UBE3B: variants seen among roughly 807,000 people sequenced by gnomAD.
UBE3B encodes ubiquitin protein ligase E3B, also known as ubiquitin-protein ligase E3B.
UBE3B carries 80 observed loss-of-function variants against 132.3 expected under a neutral mutation model. The ratio of observed to expected loss-of-function variants is 0.60; its 90% CI spans 0.50 to 0.73. The LOEUF is 0.73. UBE3B is among the 30% of genes least tolerant of loss of function. The pLI, the probability that UBE3B is intolerant of heterozygous loss-of-function variation, is 0.00. For missense variants in UBE3B, 1,196 were observed against 1,362.5 expected, an observed-to-expected ratio of 0.88 and a Z score of 1.92; for synonymous variants, 487 against 520.4, an observed-to-expected ratio of 0.94 and a Z score of 0.87.
Position 109,511,189 on chromosome 12 carries a change from GTCTT to G in UBE3B, c.1857-10_1857-7del. On this transcript the variant is annotated splice_polypyrimidine_tract_variant and intron_variant, in intron 17 of 27. Coordinates refer to ENST00000342494, the MANE Select transcript of UBE3B (RefSeq NM_130466.4). ...CTTCTTTTAATTCTCCCAAACCCAT[GTCTT>G]TCTTCTCAAGGGATCTCAAACCTAG... The G allele has an allele frequency of 6.2e-7, 1 of 1,613,100 alleles. No homozygotes were observed. The highest frequency in any genetic ancestry group is 8.5e-7 in the Non-Finnish European group (1 of 1,179,258).
At chr12:109,520,962 G>A (rs989618375) in intron 19 of UBE3B, 186 bp from the exon 20 acceptor site, 1 of 606,616 alleles carries the variant, frequency 1.6e-6, no homozygotes, top group African/African-American at 1.8e-5. Context: ...ATCCCCAAAT[G>A]AATCTTTGCT....
At chr12:109,491,330 T>C in intron 9 of UBE3B, 1 of 429,056 alleles carries the variant, frequency 2.3e-6, no homozygotes, top group Admixed American at 4.0e-5. Flanking sequence ...TTTCTTAATC[T>C]TCAGCCCTGA....
At chr12:109,497,975 C>T (rs766247245) in intron 10 of UBE3B, 52 bp downstream of exon 10, 22 of 1,578,482 alleles carry the variant, frequency 1.4e-5, no homozygotes, top group Non-Finnish European at 1.9e-5. Flanking sequence ...TTTTTCTTTT[C>T]TTCTTAAACA....
At chr12:109,488,735 T>C in intron 7 of UBE3B, 67 bp downstream of exon 7, 1 of 1,503,860 alleles carries the variant, frequency 6.6e-7, no homozygotes, top group East Asian at 2.3e-5. Flanking sequence ...GGACCTTTTT[T>C]CCTTTGTAAG....
chr12:109,490,433 A>G (rs1445728647), intron 8 of UBE3B: 1 of 1,533,690 alleles, frequency 6.5e-7, no homozygotes, highest in Non-Finnish European at 8.7e-7. Context: ...GTTTAAAGGT[A>G]CAATGGAAGT....
At chr12:109,501,800 G>A (rs1210252989) in intron 13 of UBE3B, among the ~76,000 whole-genome samples, 1 of 151,894 alleles carries the variant, frequency 6.6e-6, no homozygotes, top group Non-Finnish European at 1.5e-5. Context: ...GACTACAGGC[G>A]TGTACTGCCA....
chr12:109,500,248 A>G (rs1048258228), intron 12 of UBE3B, among the ~76,000 whole-genome samples: 1 of 152,240 alleles, frequency 6.6e-6, no homozygotes, highest in East Asian at 1.9e-4. Flanking sequence ...TAAATTTTTA[A>G]AAGTGTAATT....
intron 9 of UBE3B, among the ~76,000 whole-genome samples, chr12:109,495,656 G>A (rs1367119386): frequency 6.6e-6 from 1 of 152,230 alleles, no homozygotes; most frequent in African/African-American, 2.4e-5. Flanking sequence ...CCAGTGATAA[G>A]CATTGTTTCT....
intron 4 of UBE3B, among the ~76,000 whole-genome samples, chr12:109,484,320 A>G (rs112760787): frequency 1.1e-3 from 169 of 152,382 alleles, no homozygotes; most frequent in Non-Finnish European, 2.2e-3. Context: ...TAAGGACATC[A>G]AAAGGAGTAG....
At chr12:109,482,280 G>A (rs981137710) in intron 2 of UBE3B, among the ~76,000 whole-genome samples, 2 of 152,018 alleles carry the variant, frequency 1.3e-5, no homozygotes. Context: ...CCCATCACCC[G>A]AATGGTGAAC....
intron 17 of UBE3B, 114 bp from the exon 18 acceptor site, chr12:109,511,090 C>A: frequency 1.1e-6 from 1 of 885,302 alleles, no homozygotes; most frequent in Admixed American, 2.2e-5. Flanking sequence ...CCATCAGACT[C>A]TTGAGAAACA....
intron 18 of UBE3B, among the ~76,000 whole-genome samples, chr12:109,511,823 A>G (rs548960750): frequency 6.6e-5 from 10 of 152,310 alleles, no homozygotes; most frequent in Non-Finnish European, 1.5e-4. Flanking sequence ...CAGGAAGGTC[A>G]TCTTGGCTGC....
chr12:109,486,375 A>G, intron 5 of UBE3B, 96 bp from the exon 6 acceptor site: 1 of 999,966 alleles, frequency 1.0e-6, no homozygotes, highest in East Asian at 2.4e-5. Context: ...TTTATCTGGC[A>G]CTGGACCTAA....
At chr12:109,524,582 C>G in intron 23 of UBE3B, 79 bp downstream of exon 23, 1 of 1,491,556 alleles carries the variant, frequency 6.7e-7, no homozygotes, top group Non-Finnish European at 9.3e-7. Flanking sequence ...TTGTTTTCCT[C>G]AGAAAGAGCC....
chr12:109,494,324 T>A (rs1877888780), intron 9 of UBE3B, among the ~76,000 whole-genome samples: 1 of 152,192 alleles, frequency 6.6e-6, no homozygotes, highest in Non-Finnish European at 1.5e-5. Flanking sequence ...ATATATATAT[T>A]TTTTAGTAAA....
chr12:109,490,919 G>GC (rs1400114412), intron 8 of UBE3B, 126 bp from the exon 9 acceptor site: 1 of 1,154,280 alleles, frequency 8.7e-7, no homozygotes, highest in Non-Finnish European at 1.2e-6. Context: ...GTAGGTACAA[G>GC]CCACCATGCC....
rs563897934 is a variant in UBE3B, at chr12:109,502,883, A to G, written c.1283-140A>G. 1.5e-5 allele frequency: 15 copies of G among 998,078 alleles called. No homozygotes were observed. The South Asian group carries it at 1.8e-4, about 12-fold the overall frequency. The allele number at this position is 998,078 out of a possible 1,614,324, so 61.8% of individuals were successfully genotyped here. On this transcript the variant is annotated intron_variant, in intron 13 of 27. Coordinates refer to ENST00000342494, the MANE Select transcript of UBE3B (RefSeq NM_130466.4). Reference sequence around the variant, plus strand: ...TGTTTTTCTAATTTATCCCAAAGAAATGCCTTGAATTGAGTGAGTTGCCCC... The same window carrying G: ...TGTTTTTCTAATTTATCCCAAAGAAGTGCCTTGAATTGAGTGAGTTGCCCC...
rs373337503 is a variant in UBE3B, at chr12:109,498,339, C to T, written c.926C>T (p.Thr309Met). 42 of 1,613,794 alleles carry T rather than the reference C, an allele frequency of 2.6e-5. No individual in the cohort carries two copies. The highest frequency in any genetic ancestry group is 8.3e-5 in the Admixed American group (5 of 59,990). Reference sequence around the variant, plus strand: ...TGTGAAAGTTTAGAAGGATGCCATACGCTTTGTCTAATGGGTAAGTATCCG... The same window carrying T: ...TGTGAAAGTTTAGAAGGATGCCATATGCTTTGTCTAATGGGTAAGTATCCG... ...DVCESLEGCH[T>M]LCLMGNLLHL... Residue 309 changes from threonine to methionine, a missense_variant, in exon 11 of 28, where the codon ACG becomes ATG. Physicochemically the swap from Thr to Met is moderately conservative, Grantham distance 81. Transcript: ENST00000342494.
Position 109,534,233 on chromosome 12 carries a change from G to T in UBE3B, c.3016-358G>T, listed in dbSNP as rs150801081. The T allele has an allele frequency of 8.3e-5, 104 of 1,255,386 alleles. No individual in the cohort carries two copies. In the African/African-American group the frequency reaches 1.4e-3, roughly 17 times the overall value. 77.8% of individuals were successfully genotyped at this position (1,255,386 alleles called of 1,614,324 possible). On this transcript the variant is annotated intron_variant, in intron 27 of 27. Transcript: ENST00000342494. The surrounding 1 kb of genome is among the most constrained non-coding windows in gnomAD (Gnocchi z 5.2). ...TGGTCTGCCACCGGCCACAGCACCG[G>T]TGAGGAGGGAGGAGTGCATTCAGAA... is the stretch of plus-strand genomic sequence containing the variant.
Sources: gnomAD v4.1 joint callset for allele counts (sites outside exome capture counted in the v4.1 genomes callset) on GRCh38, gnomAD v4.1.1 for gene constraint, Gnocchi (gnomAD v3.1) non-coding constraint, MANE v1.5 for transcripts, NCBI Gene and HGNC (gene_info 2026-07-23, HGNC 2026-07-21) for gene names.